CADPS2: variants seen among roughly 807,000 people sequenced by gnomAD.
CADPS2 encodes the protein calcium-dependent secretion activator 2.
In CADPS2, 93 loss-of-function variants were observed where a neutral mutation model predicts 172.5. That is an observed-to-expected ratio of 0.54 (90% confidence interval 0.46 to 0.64). The LOEUF (loss-of-function observed/expected upper bound fraction) is 0.64. CADPS2 is among the 30% of genes least tolerant of loss of function. CADPS2 has a pLI of 0.00. For synonymous variants in CADPS2, 546 were observed against 555.2 expected, an observed-to-expected ratio of 0.98 and a Z score of 0.23; for missense variants, 1,420 against 1,565.9, an observed-to-expected ratio of 0.91 and a Z score of 1.57.
At chr7:122,691,480 C>G (rs2084354015) in intron 2 of CADPS2, among the ~76,000 whole-genome samples, 1 of 152,212 alleles carries the variant, frequency 6.6e-6, no homozygotes, top group Non-Finnish European at 1.5e-5. Flanking sequence ...ACCCATAGGT[C>G]TTGTGCCTAC....
At chr7:122,745,757 CAT>C (rs1344382970) in intron 1 of CADPS2, among the ~76,000 whole-genome samples, 1 of 151,770 alleles carries the variant, frequency 6.6e-6, no homozygotes, top group East Asian at 1.9e-4. Context: ...GGGATAGCTA[CAT>C]CCTCTATTCT....
intron 2 of CADPS2, among the ~76,000 whole-genome samples, chr7:122,711,998 C>T (rs976960391): frequency 6.6e-6 from 1 of 152,002 alleles, no homozygotes; most frequent in Non-Finnish European, 1.5e-5. Flanking sequence ...TAAAACAGTA[C>T]ATACAGCATA....
intron 9 of CADPS2, 92 bp downstream of exon 9, chr7:122,513,157 A>T (rs1416488487): frequency 3.6e-6 from 3 of 828,726 alleles, no homozygotes; most frequent in East Asian, 2.7e-5. Context: ...TTTAATTTCT[A>T]AAACAGTAAA....
rs1382627922 is a variant in CADPS2, at chr7:122,541,708, T to C, written c.1475+12842A>G. Among the ~76,000 whole-genome samples the C allele has an allele frequency of 2.7e-5, 4 of 146,016 alleles. No homozygotes were observed. The South Asian group carries it at 6.3e-4, about 23-fold the overall frequency. ...TTATTCATATATGTTTATATATTCA[T>C]ATATTTACATATATTCATATATATT... On this transcript the variant is annotated intron_variant, in intron 8 of 29. Coordinates refer to ENST00000449022, the MANE Select transcript of CADPS2 (RefSeq NM_017954.11).
intron 1 of CADPS2, among the ~76,000 whole-genome samples, chr7:122,816,216 T>C (rs1435268586): frequency 7.5e-6 from 1 of 133,718 alleles, no homozygotes; most frequent in Non-Finnish European, 1.6e-5. Flanking sequence ...CTTCTAACCA[T>C]TATTCTACTC....
chr7:122,568,096 A>G (rs1336223933), intron 7 of CADPS2, among the ~76,000 whole-genome samples: 1 of 152,056 alleles, frequency 6.6e-6, no homozygotes, highest in Non-Finnish European at 1.5e-5. Context: ...ACATGCTAAT[A>G]CTAGTCAAAA....
At chr7:122,853,886 C>T (rs1366380257) in intron 1 of CADPS2, among the ~76,000 whole-genome samples, 2 of 152,178 alleles carry the variant, frequency 1.3e-5, no homozygotes, top group Admixed American at 6.5e-5. Flanking sequence ...CAGCGCTTTG[C>T]AAGCATTCTC....
At chr7:122,507,934 T>C (rs2059729067) in intron 9 of CADPS2, among the ~76,000 whole-genome samples, 1 of 152,160 alleles carries the variant, frequency 6.6e-6, no homozygotes, top group Non-Finnish European at 1.5e-5. Flanking sequence ...TATGTTCAAA[T>C]ATAAGTCAAT....
intron 1 of CADPS2, among the ~76,000 whole-genome samples, chr7:122,761,061 T>C (rs957353453): frequency 6.6e-6 from 1 of 152,134 alleles, no homozygotes; most frequent in African/African-American, 2.4e-5. Context: ...AATAGTCTTG[T>C]TGAAAAATTA....
chr7:122,854,086 G>A (rs1548619), intron 1 of CADPS2, among the ~76,000 whole-genome samples: 28,881 of 152,116 alleles, frequency 0.19, 2,852 homozygotes, highest in Middle Eastern at 0.27. Flanking sequence ...TTAGCTGGGC[G>A]TGGTGGCTCA....
chr7:122,745,254 C>G (rs1182146233), intron 1 of CADPS2, among the ~76,000 whole-genome samples: 1 of 151,774 alleles, frequency 6.6e-6, no homozygotes, highest in African/African-American at 2.4e-5. Flanking sequence ...ACATTTTCAT[C>G]CCACATAATT....
At chr7:122,597,398 A>G (rs2071988805) in intron 6 of CADPS2, among the ~76,000 whole-genome samples, 1 of 152,066 alleles carries the variant, frequency 6.6e-6, no homozygotes, top group Non-Finnish European at 1.5e-5. Flanking sequence ...CTATGGTCTG[A>G]ATGTATGTGT....
At chr7:122,335,813 A>AC in intron 28 of CADPS2, among the ~76,000 whole-genome samples, 1 of 152,192 alleles carries the variant, frequency 6.6e-6, no homozygotes, top group Non-Finnish European at 1.5e-5. Flanking sequence ...TTTATCCTGG[A>AC]GTAGACAAGT....
At chr7:122,656,876 C>T (rs976368279) in intron 3 of CADPS2, among the ~76,000 whole-genome samples, 2 of 152,182 alleles carry the variant, frequency 1.3e-5, no homozygotes, top group Non-Finnish European at 2.9e-5. Context: ...GACATGAAGT[C>T]CTTGCCCATG....
At chr7:122,513,113 T>C (rs1411506969) in intron 9 of CADPS2, 136 bp downstream of exon 9, 4 of 615,380 alleles carry the variant, frequency 6.5e-6, no homozygotes, top group Non-Finnish European at 1.2e-5. Context: ...ATGTAATGAA[T>C]GTACTGCTTT....
Position 122,422,731 on chromosome 7 carries a change from G to C in CADPS2, c.2477-6567C>G, listed in dbSNP as rs975410578. The stretch of plus-strand genomic sequence containing the variant: ...GCACTTTGGGAAGCTGAGGTGGGTG[G>C]ATCACTTGATATTAGGAGTTCGAGG... On this transcript the variant is annotated intron_variant, in intron 17 of 29. Coordinates refer to ENST00000449022, the MANE Select transcript of CADPS2 (RefSeq NM_017954.11). 4.0e-5 allele frequency among the ~76,000 whole-genome samples: 6 copies of C among 151,586 alleles called. No homozygotes were observed. The East Asian group carries it at 1.2e-3, about 30-fold the overall frequency.
chr7:122,848,265 C>A (rs1812569252), intron 1 of CADPS2, among the ~76,000 whole-genome samples: 1 of 152,176 alleles, frequency 6.6e-6, no homozygotes, highest in Non-Finnish European at 1.5e-5. Flanking sequence ...GGAAGACAAA[C>A]CCTTCCTCTG....
At chr7:122,816,140 A>G (rs997088404) in intron 1 of CADPS2, among the ~76,000 whole-genome samples, 3 of 152,012 alleles carry the variant, frequency 2.0e-5, no homozygotes, top group African/African-American at 7.3e-5. Context: ...TTTTTTAACC[A>G]CTAGCCAACT....
intron 1 of CADPS2, among the ~76,000 whole-genome samples, chr7:122,760,265 G>T (rs981996356): frequency 6.6e-6 from 1 of 151,986 alleles, no homozygotes; most frequent in East Asian, 1.9e-4. Flanking sequence ...AAATCATATT[G>T]TACAGCAATC....
Sources: gnomAD v4.1 joint callset for allele counts (sites outside exome capture counted in the v4.1 genomes callset) on GRCh38, gnomAD v4.1.1 for gene constraint, MANE v1.5 for transcripts, NCBI Gene and HGNC (gene_info 2026-07-23, HGNC 2026-07-21) for gene names.